The following NLRP13 variants were observed in gnomAD, a reference collection of about 807,000 sequenced individuals.
The protein encoded by NLRP13 is NACHT, LRR and PYD domains-containing protein 13.
NLRP13 carries 82 observed loss-of-function variants against 94.4 expected under a neutral mutation model. The ratio of observed to expected loss-of-function variants is 0.87; its 90% confidence interval spans 0.73 to 1.04. The LOEUF is 1.04. Among genes scored for constraint, NLRP13 ranks in the 50% least tolerant of loss-of-function variants. The probability of loss-of-function intolerance (pLI) is 0.00; values close to 1 mark genes in which losing one functional copy is unlikely to be tolerated. For missense variants in NLRP13, 1,426 were observed against 1,230.8 expected, an observed-to-expected ratio of 1.16 and a Z score of -2.37; for synonymous variants, 553 against 464.7, an observed-to-expected ratio of 1.19 and a Z score of -2.45.
intron 5 of NLRP13, 51 bp downstream of exon 5, chr19:55,911,655 A>T: frequency 2.0e-6 from 3 of 1,497,076 alleles, no homozygotes; most frequent in South Asian, 1.3e-5. Flanking sequence ...ATTTGCACAG[A>T]GCCTGAGAAA....
intron 10 of NLRP13, 127 bp from the exon 11 acceptor site, chr19:55,896,246 CA>C (rs1226440590): frequency 2.2e-5 from 23 of 1,031,622 alleles, no homozygotes; most frequent in Non-Finnish European, 2.9e-5. Flanking sequence ...AGCACTTGGC[CA>C]GGCACAGTGG....
rs534937178 is a variant in NLRP13, at chr19:55,895,981, C to G, written c.3096G>C (p.Leu1032Phe). 4.9e-5 allele frequency: 79 copies of G among 1,613,858 alleles called. No homozygotes were observed. Among genetic ancestry groups the G allele is most frequent in the Admixed American group, 2.7e-4 (16 of 59,962 alleles). Reference protein sequence around the residue: ...TDGVKMLCKALKKSTCRLQKL... With the variant: ...TDGVKMLCKAFKKSTCRLQKL... ...TCTGCAGCCTGCATGTCGACTTTTT[C>G]AAAGCCTTACATAGCATCTTGACAC... is the stretch of plus-strand genomic sequence containing the variant. Residue 1032 changes from leucine to phenylalanine, a missense_variant, in exon 11 of 11, where the codon TTG becomes TTC. Transcript: ENST00000342929.
At chr19:55,896,820 C>CAAAAAAAAAAAAAAAAAA in intron 10 of NLRP13, among the ~76,000 whole-genome samples, 1 of 80,914 alleles carries the variant, frequency 1.2e-5, no homozygotes, top group East Asian at 3.5e-4. Flanking sequence ...CTCCATCTCA[C>CAAAAAAAAAAAAAAAAAA]AAAAAAAAAA....
intron 9 of NLRP13, 43 bp from the exon 10 acceptor site, chr19:55,898,980 C>A (rs747148983): frequency 3.2e-6 from 5 of 1,580,378 alleles, no homozygotes; most frequent in Non-Finnish European, 3.4e-6. Flanking sequence ...GTAATTGCGT[C>A]CCGAAGCTGT....
In NLRP13 at chr19:55,907,782, A is replaced by G. The variant is rs1346382723; in HGVS notation, c.2447+10T>C. Reference sequence around the variant, plus strand: ...CCCCCCTTGACAGATCTAGGGAGCCAAAGACTTACCACAGATACTTGAGGT... The same window carrying G: ...CCCCCCTTGACAGATCTAGGGAGCCGAAGACTTACCACAGATACTTGAGGT... On this transcript the variant is annotated intron_variant, in intron 7 of 10. Transcript: ENST00000342929. 2 of 1,613,618 alleles carry G rather than the reference A, an allele frequency of 1.2e-6. No individual in the cohort carries two copies. The highest frequency in any genetic ancestry group is 1.7e-6 in the Non-Finnish European group (2 of 1,179,816).
In NLRP13 at chr19:55,913,548, C is replaced by CAAAAAAAAAAAA. The variant is rs10530056; in HGVS notation, c.524-267_524-256dup. On this transcript the variant is annotated intron_variant, in intron 4 of 10. Transcript: ENST00000342929. ...TGGGTGACAGAGTGAGACTCCGTCT[C>CAAAAAAAAAAAA]AAAAAAAAAAAAAAAAAAAAAAAGT... 8.8e-4 allele frequency among the ~76,000 whole-genome samples: 46 copies of CAAAAAAAAAAAA among 52,068 alleles called. 7 individuals are homozygous for CAAAAAAAAAAAA. Among genetic ancestry groups the CAAAAAAAAAAAA allele is most frequent in the African/African-American group, 2.0e-3 (29 of 14,632 alleles). 34.2% of individuals were successfully genotyped at this position (52,068 alleles called of 152,430 possible).
chr19:55,899,254 G>A (rs945928826), intron 9 of NLRP13, among the ~76,000 whole-genome samples: 13 of 152,170 alleles, frequency 8.5e-5, no homozygotes, highest in South Asian at 2.1e-4. Flanking sequence ...CACAGTGCAC[G>A]ATTCTCAGCC....
At position 55,898,926 on chromosome 19, in the gene NLRP13, C is replaced by T; in HGVS notation, c.2801G>A (p.Cys934Tyr). Residue 934 changes from cysteine (C) to tyrosine (Y), a missense_variant, in exon 10 of 11, where the codon TGT (cysteine) becomes TAT (tyrosine). Cys to Tyr is a radical substitution (Grantham distance 194, BLOSUM62 -2). Coordinates refer to ENST00000342929, the MANE Select transcript of NLRP13 (RefSeq NM_176810.2). ...TCCACAGCCCTCTCTTGTGAAAGAA[C>T]AACCTGACAAACTGCAAAATAAAAA... ...GNLQSLNLSGCSFTREGCGEL... is the reference protein window; with the variant it reads ...GNLQSLNLSGYSFTREGCGEL... 6.2e-7 allele frequency: 1 copy of T among 1,605,172 alleles called. No individual in the cohort carries two copies. Among genetic ancestry groups the T allele is most frequent in the Non-Finnish European group, 8.5e-7 (1 of 1,177,396 alleles).
In NLRP13 at chr19:55,911,974, C is replaced by A; in HGVS notation, c.1843G>T (p.Glu615Ter). 6.2e-7 allele frequency: 1 copy of A among 1,614,184 alleles called. No individual in the cohort carries two copies. The highest frequency in any genetic ancestry group is 2.2e-5 in the East Asian group (1 of 44,878). ...HCKISPRVME[E>*]LLKWGEELGK... ...AACTCTTCTCCCCACTTTAATAATTCCTCCATTACCCTGGGAGATATTTTA... is the reference window on the plus strand; with the variant it reads ...AACTCTTCTCCCCACTTTAATAATTACTCCATTACCCTGGGAGATATTTTA... Residue 615 changes from glutamate to a stop codon, truncating the protein, a stop_gained, in exon 5 of 11, where the codon GAA (glutamate) becomes TAA (stop). Transcript: ENST00000342929. LOFTEE classifies it high-confidence loss of function.
At chr19:55,895,210 AAAG>A (rs1451297048), downstream of NLRP13, among the ~76,000 whole-genome samples, 6 of 149,852 alleles carry the variant, frequency 4.0e-5, no homozygotes, top group Non-Finnish European at 7.4e-5. Flanking sequence ...AAAAAAAAAA[AAAG>A]AAAGAAAAGA....
chr19:55,896,218 C>T (rs1986005629), intron 10 of NLRP13, 99 bp from the exon 11 acceptor site: 7 of 1,356,922 alleles, frequency 5.2e-6, no homozygotes, highest in Non-Finnish European at 6.1e-6. Context: ...ATTACTAAAG[C>T]AGACTGCTTA....
rs575226350 is a variant in NLRP13 at position 55,907,842 on chromosome 19, G to A, written c.2397C>T (p.Pro799=). 5.6e-6 allele frequency: 9 copies of A among 1,613,918 alleles called. No homozygotes were observed. The African/African-American group carries it at 9.3e-5, about 17-fold the overall frequency. The part of the protein sequence containing the change: ...FSSNKLGMTV[P]LILKALRHSA... ...AGTGTCTCAAAGCTTTAAGAATCAG[G>A]GGGACAGTCATTCCCAGCTTGTTAG... The change falls in exon 7 of 11, where the codon CCC becomes CCT. Residue 799 remains proline, a synonymous_variant. Transcript: ENST00000342929.
At chr19:55,926,799 T>C (rs575581331) in intron 1 of NLRP13, among the ~76,000 whole-genome samples, 1 of 152,284 alleles carries the variant, frequency 6.6e-6, no homozygotes, top group Non-Finnish European at 1.5e-5. Flanking sequence ...TAATTTAAAA[T>C]GCAATGCATG....
At chr19:55,931,509 C>T (rs4991669) in intron 1 of NLRP13, among the ~76,000 whole-genome samples, 22,464 of 151,000 alleles carry the variant, frequency 0.15, 1,707 homozygotes, top group East Asian at 0.21. Flanking sequence ...GAGATTGAGA[C>T]CATCCTGGCT....
chr19:55,920,653 G>T (rs936340228), intron 4 of NLRP13, among the ~76,000 whole-genome samples: 7 of 152,070 alleles, frequency 4.6e-5, no homozygotes, highest in Non-Finnish European at 7.4e-5. Context: ...TACACTGTTG[G>T]TGTGAAAGTA....
intron 8 of NLRP13, among the ~76,000 whole-genome samples, chr19:55,903,481 G>C (rs1986247050): frequency 6.6e-6 from 1 of 152,088 alleles, no homozygotes; most frequent in African/African-American, 2.4e-5. Context: ...GAGACCTAAA[G>C]AATCTCTTTG....
chr19:55,925,029 A>G lies in NLRP13; in HGVS notation c.326T>C (p.Val109Ala). ...TGGATCTTGCAGCTCTTGGGTCTGC[A>G]CATTCTCTGAAACAAACAGTGATGA... ...EKVRAEMKEN[V>A]QTQELQDPTQ... Residue 109 changes from valine (V) to alanine (A), a missense_variant, in exon 2 of 11, where the codon GTG becomes GCG. Transcript: ENST00000342929. The G allele has an allele frequency of 1.2e-6, 2 of 1,614,018 alleles. No homozygotes were observed. The highest frequency in any genetic ancestry group is 1.7e-6 in the Non-Finnish European group (2 of 1,179,944).
intron 1 of NLRP13, among the ~76,000 whole-genome samples, chr19:55,925,477 G>C (rs1237014929): frequency 6.6e-6 from 1 of 152,206 alleles, no homozygotes; most frequent in Non-Finnish European, 1.5e-5. Context: ...TCTATTGCCT[G>C]TCTAGGGAGA....
intron 6 of NLRP13, 99 bp downstream of exon 6, chr19:55,910,464 G>A: frequency 8.6e-7 from 1 of 1,165,944 alleles, no homozygotes. Flanking sequence ...TGAGCACGTA[G>A]CTTGCCTTCT....
Sources: allele counts gnomAD v4.1 joint callset (sites outside exome capture counted in the v4.1 genomes callset), GRCh38; gene constraint gnomAD v4.1.1; transcripts MANE v1.5; gene names NCBI Gene and HGNC (gene_info 2026-07-23, HGNC 2026-07-21).